RAB3D: variants seen among roughly 807,000 people sequenced by gnomAD.
The protein encoded by RAB3D is ras-related protein Rab-3D.
A neutral mutation model predicts 19.3 loss-of-function variants in RAB3D; 17 were observed. The observed-to-expected ratio is 0.88, with a 90% CI of 0.60 to 1.32. RAB3D has a LOEUF of 1.32. Ranked by LOEUF, RAB3D falls within the 40% of genes most tolerant of loss-of-function variation. The pLI, the probability that RAB3D is intolerant of heterozygous loss-of-function variation, is 0.00. For synonymous variants in RAB3D, 103 were observed against 119.9 expected (o/e 0.86, Z 0.92); for missense variants, 223 against 299.1 (o/e 0.75, Z 1.88).
In RAB3D at chr19:11,336,663, A is replaced by G. The variant is rs111380737; in HGVS notation, c.228+509T>C. Among the ~76,000 whole-genome samples the G allele has an allele frequency of 2.3e-3, 344 of 151,806 alleles. 4 individuals are homozygous for G. Among genetic ancestry groups the G allele is most frequent in the African/African-American group, 7.4e-3 (305 of 41,474 alleles). On this transcript the variant is annotated intron_variant, in intron 2 of 4. Coordinates refer to ENST00000222120, the MANE Select transcript of RAB3D (RefSeq NM_004283.4). ...GTATCATCTCCGCAATCAGACCCCC[A>G]GGAATAATACTGTTTCCCGCCAGGC...
intron 4 of RAB3D, among the ~76,000 whole-genome samples, chr19:11,332,814 C>T (rs939582701): frequency 1.3e-5 from 2 of 151,494 alleles, no homozygotes; most frequent in African/African-American, 4.9e-5. Flanking sequence ...TAGGCCGGGA[C>T]TATAAAAACC....
Position 11,323,221 on chromosome 19 carries a change from C to G in RAB3D, c.*2177G>C, listed in dbSNP as rs2080791371. ...TTAAAGTAGCTAAAAATTTTTGACT[C>G]CCGCCCACATATTCAGATACCCTCA... On this transcript the variant is annotated 3_prime_UTR_variant, in exon 5 of 5. Transcript: ENST00000222120. 1.3e-5 allele frequency: 2 copies of G among 152,280 alleles called. No individual in the cohort carries two copies. Among genetic ancestry groups the G allele is most frequent in the Middle Eastern group, 6.8e-3 (2 of 292 alleles). 9.4% of individuals were successfully genotyped at this position (152,280 alleles called of 1,614,324 possible). A position where few individuals can be genotyped will look rare whatever the true frequency, so the allele number is the denominator to read the frequency against.
At chr19:11,334,388 G>A (rs2080844861) in intron 4 of RAB3D, among the ~76,000 whole-genome samples, 2 of 152,160 alleles carry the variant, frequency 1.3e-5, no homozygotes, top group African/African-American at 4.8e-5. Flanking sequence ...AGAATCACTT[G>A]AATGCAGGAG....
At chr19:11,339,114 G>A (rs1002429112) in intron 1 of RAB3D, among the ~76,000 whole-genome samples, 13 of 152,356 alleles carry the variant, frequency 8.5e-5, no homozygotes, top group Admixed American at 6.5e-4. Flanking sequence ...ACGCAGGGCA[G>A]GGCCGCAAGG....
chr19:11,329,607 C>CA (rs562770499), intron 4 of RAB3D, among the ~76,000 whole-genome samples: 14,580 of 136,410 alleles, frequency 0.11, 1,510 homozygotes, highest in African/African-American at 0.28. Flanking sequence ...AACTCCATCT[C>CA]AAAAAAAAAA....
intron 4 of RAB3D, among the ~76,000 whole-genome samples, chr19:11,334,277 C>T (rs1435867341): frequency 2.0e-5 from 3 of 151,626 alleles, no homozygotes; most frequent in African/African-American, 7.3e-5. Context: ...CAAGACCAGC[C>T]TGGCCAACAT....
chr19:11,327,018 A>C, intron 4 of RAB3D: 1 of 467,480 alleles, frequency 2.1e-6, no homozygotes, highest in Non-Finnish European at 3.8e-6. Flanking sequence ...ATTCAGACAA[A>C]CGCCTGCCAC....
chr19:11,338,575 A>G (rs1254732709), intron 1 of RAB3D, among the ~76,000 whole-genome samples: 1 of 152,124 alleles, frequency 6.6e-6, no homozygotes. Flanking sequence ...TTTAGAGTCC[A>G]GTTCTACCCC....
intron 2 of RAB3D, 35 bp from the exon 3 acceptor site, chr19:11,335,818 ACCTGTTTC>A: frequency 6.3e-7 from 1 of 1,586,552 alleles, no homozygotes; most frequent in Non-Finnish European, 8.7e-7. Flanking sequence ...GCTGGGAACT[ACCTGTTTC>A]CCAGTCCACC....
chr19:11,337,701 G>T (rs75669748), intron 1 of RAB3D, among the ~76,000 whole-genome samples: 5 of 148,930 alleles, frequency 3.4e-5, no homozygotes, highest in African/African-American at 1.2e-4. Flanking sequence ...ACAAGATCTC[G>T]CTCTGTTGCC....
chr19:11,325,360 A>T lies in RAB3D; in HGVS notation c.*38T>A. ...CACGCCTCGATCACAGTCCCTGCCG[A>T]GGCAGGAGAGGGGTGGGTGGGGGGT... On this transcript the variant is annotated 3_prime_UTR_variant, in exon 5 of 5. Transcript: ENST00000222120. 9.2e-7 allele frequency: 1 copy of T among 1,086,944 alleles called. No individual in the cohort carries two copies. The highest frequency in any genetic ancestry group is 1.2e-6 in the Non-Finnish European group (1 of 843,236). The allele number at this position is 1,086,944 out of a possible 1,614,324, so 67.3% of individuals were successfully genotyped here. A position where few individuals can be genotyped will look rare whatever the true frequency, so the allele number is the denominator to read the frequency against.
At chr19:11,333,048 G>A (rs2080840494) in intron 4 of RAB3D, among the ~76,000 whole-genome samples, 2 of 151,928 alleles carry the variant, frequency 1.3e-5, no homozygotes, top group African/African-American at 4.8e-5. Flanking sequence ...GCAAAAGAAT[G>A]AGCCAGCTCT....
At chr19:11,329,626 A>ACG (rs746148643) in intron 4 of RAB3D, among the ~76,000 whole-genome samples, 8 of 151,908 alleles carry the variant, frequency 5.3e-5, no homozygotes, top group African/African-American at 1.9e-4. Context: ...AAATAAAACA[A>ACG]AAGAAAAGAA....
chr19:11,325,591 T>G lies in RAB3D; in HGVS notation c.473-6A>C. 6.3e-7 allele frequency: 1 copy of G among 1,595,180 alleles called. No individual in the cohort carries two copies. The highest frequency in any genetic ancestry group is 2.3e-5 in the East Asian group (1 of 44,248). On this transcript the variant is annotated splice_region_variant and splice_polypyrimidine_tract_variant and intron_variant, in intron 4 of 4. Transcript: ENST00000222120. The stretch of plus-strand genomic sequence containing the variant: ...GGCTTCAAAGAACTCGAAACCTGGA[T>G]GAATGTTAAGGTGGGGACACTCGTA...
Position 11,325,381 on chromosome 19 carries a change from G to C in RAB3D, c.*17C>G. On this transcript the variant is annotated 3_prime_UTR_variant, in exon 5 of 5. Coordinates refer to ENST00000222120, the MANE Select transcript of RAB3D (RefSeq NM_004283.4). Reference sequence around the variant, plus strand: ...GCCGAGGCAGGAGAGGGGTGGGTGGGGGGTTGGGGGCCATCTCTAGCAGCT... The same window carrying C: ...GCCGAGGCAGGAGAGGGGTGGGTGGCGGGTTGGGGGCCATCTCTAGCAGCT... 2 of 1,505,160 alleles carry C rather than the reference G, an allele frequency of 1.3e-6. No individual in the cohort carries two copies. The highest frequency in any genetic ancestry group is 1.8e-6 in the Non-Finnish European group (2 of 1,120,326). The allele number at this position is 1,505,160 out of a possible 1,614,324, so 93.2% of individuals were successfully genotyped here.
intron 4 of RAB3D, among the ~76,000 whole-genome samples, chr19:11,329,426 G>C (rs181757709): frequency 4.0e-4 from 61 of 151,788 alleles, no homozygotes; most frequent in African/African-American, 1.4e-3. Flanking sequence ...TGACCAACAT[G>C]GTGAAACCCC....
chr19:11,326,897 A>G, intron 4 of RAB3D: 1 of 556,784 alleles, frequency 1.8e-6, no homozygotes, highest in Admixed American at 3.2e-5. Context: ...AGCGTGAGCC[A>G]CCACGCTGGG....
At chr19:11,328,791 T>C (rs1443696852) in intron 4 of RAB3D, among the ~76,000 whole-genome samples, 2 of 151,990 alleles carry the variant, frequency 1.3e-5, no homozygotes, top group African/African-American at 4.8e-5. Context: ...CACTCCAGCC[T>C]GGGCAACAGA....
rs1599355486 is a variant in RAB3D, at chr19:11,325,573, A to G, written c.485T>C (p.Phe162Ser). The change falls in exon 5 of 5, where the codon TTT becomes TCT. Residue 162 changes from phenylalanine (F) to serine (S), a missense_variant. By Grantham distance (155) the Phe-to-Ser change is radical (BLOSUM62 -2). Transcript: ENST00000222120. ...RLADDLGFEF[F>S]EASAKENINV... The stretch of plus-strand genomic sequence containing the variant: ...GATGTTCTCCTTGGCACTGGCTTCA[A>G]AGAACTCGAAACCTGGATGAATGTT... The G allele has an allele frequency of 6.2e-7, 1 of 1,610,018 alleles. No homozygotes were observed. The highest frequency in any genetic ancestry group is 1.1e-5 in the South Asian group (1 of 91,056).
Sources: gnomAD v4.1 joint callset for allele counts (sites outside exome capture counted in the v4.1 genomes callset) on GRCh38, gnomAD v4.1.1 for gene constraint, MANE v1.5 for transcripts, NCBI Gene and HGNC (gene_info 2026-07-23, HGNC 2026-07-21) for gene names.